Variants in EYA3 observed in about 807,000 individuals in gnomAD.
EYA3 encodes protein phosphatase EYA3.
Under a neutral mutation model 80.0 loss-of-function variants are expected in EYA3, and 39 were observed. That is an observed-to-expected ratio of 0.49 (90% CI 0.38 to 0.64). The LOEUF (loss-of-function observed/expected upper bound fraction) is 0.64. Among genes scored for constraint, EYA3 ranks in the 30% least tolerant of loss-of-function variants. The pLI is 0.00. For missense variants in EYA3, 523 were observed against 676.1 expected, an observed-to-expected ratio of 0.77 and a Z score of 2.51; for synonymous variants, 206 against 232.8, an observed-to-expected ratio of 0.88 and a Z score of 1.05.
chr1:28,021,949 A>G (rs1008798409), intron 7 of EYA3, among the ~76,000 whole-genome samples: 3 of 151,784 alleles, frequency 2.0e-5, no homozygotes, highest in African/African-American at 7.3e-5. Context: ...GGGTTCCTAA[A>G]ACTTACTCTC....
intron 10 of EYA3, among the ~76,000 whole-genome samples, chr1:28,007,860 A>G (rs534490386): frequency 6.6e-6 from 1 of 152,272 alleles, no homozygotes; most frequent in East Asian, 1.9e-4. Flanking sequence ...TCAAAATCCA[A>G]TAGTAGTTTT....
intron 8 of EYA3, among the ~76,000 whole-genome samples, chr1:28,015,516 G>A (rs1032676429): frequency 7.9e-5 from 12 of 152,032 alleles, no homozygotes; most frequent in African/African-American, 2.2e-4. Context: ...GTGACAGAGC[G>A]AGACTCTGTC....
chr1:28,007,267 A>C (rs1014809379), intron 10 of EYA3, among the ~76,000 whole-genome samples: 1 of 151,802 alleles, frequency 6.6e-6, no homozygotes, highest in African/African-American at 2.4e-5. Flanking sequence ...AGAAAACCTT[A>C]AATAACCCAG....
At chr1:28,082,884 C>A (rs773218061) in intron 1 of EYA3, among the ~76,000 whole-genome samples, 3 of 152,090 alleles carry the variant, frequency 2.0e-5, no homozygotes, top group Non-Finnish European at 4.4e-5. Context: ...AATTTGATCC[C>A]TTATTGCTTT....
At chr1:28,048,269 G>A in intron 3 of EYA3, 114 bp downstream of exon 3, 1 of 599,624 alleles carries the variant, frequency 1.7e-6, no homozygotes, top group Non-Finnish European at 2.8e-6. Context: ...AAATGTAACA[G>A]CTGATGGTAA....
intron 7 of EYA3, among the ~76,000 whole-genome samples, chr1:28,017,892 T>A (rs1303322871): frequency 6.6e-6 from 1 of 152,174 alleles, no homozygotes; most frequent in Non-Finnish European, 1.5e-5. Context: ...ATATGATACT[T>A]GGGCTGTCTT....
At chr1:28,073,129 T>A (rs10127594) in intron 1 of EYA3, among the ~76,000 whole-genome samples, 184 of 27,052 alleles carry the variant, frequency 6.8e-3, no homozygotes, top group Non-Finnish European at 9.2e-3. Flanking sequence ...ATATATATAT[T>A]TTTTTTTTTT....
intron 10 of EYA3, among the ~76,000 whole-genome samples, chr1:28,007,479 C>A (rs979841966): frequency 6.6e-6 from 1 of 151,680 alleles, no homozygotes; most frequent in Non-Finnish European, 1.5e-5. Flanking sequence ...GGGTTACAGG[C>A]GCCTGCCACC....
chr1:28,053,786 C>T (rs951366121), intron 2 of EYA3, among the ~76,000 whole-genome samples: 10 of 152,120 alleles, frequency 6.6e-5, no homozygotes, highest in Non-Finnish European at 1.2e-4. Flanking sequence ...CCATAGACAG[C>T]AAGAACAAAG....
chr1:27,980,036 C>G (rs2148704833), intron 16 of EYA3, among the ~76,000 whole-genome samples: 1 of 152,276 alleles, frequency 6.6e-6, no homozygotes, highest in East Asian at 1.9e-4. Context: ...TGGCCACTTA[C>G]AATACAAGGC....
At chr1:27,995,751 ATATT>A (rs1162537526) in intron 13 of EYA3, among the ~76,000 whole-genome samples, 1 of 152,104 alleles carries the variant, frequency 6.6e-6, no homozygotes, top group Non-Finnish European at 1.5e-5. Context: ...AATTGAGTAA[ATATT>A]AATAAAATGA....
chr1:28,029,730 G>A (rs936203790), intron 6 of EYA3, among the ~76,000 whole-genome samples: 6 of 151,818 alleles, frequency 4.0e-5, no homozygotes, highest in Admixed American at 1.3e-4. Flanking sequence ...CTAGTAGCTG[G>A]GATTACAGGT....
At chr1:28,055,995 C>CT (rs34697907) in intron 2 of EYA3, among the ~76,000 whole-genome samples, 1,762 of 145,266 alleles carry the variant, frequency 0.012, 11 homozygotes, top group Non-Finnish European at 0.016. Flanking sequence ...CTGTGAAAAG[C>CT]TTTTTTTTTT....
intron 1 of EYA3, among the ~76,000 whole-genome samples, chr1:28,080,966 G>A (rs1300723736): frequency 6.6e-6 from 1 of 151,874 alleles, no homozygotes; most frequent in Non-Finnish European, 1.5e-5. Flanking sequence ...ATGTTGGCTA[G>A]GCTGGTCTTG....
chr1:28,024,629 C>A (rs1642664351), intron 7 of EYA3, among the ~76,000 whole-genome samples: 2 of 152,170 alleles, frequency 1.3e-5, no homozygotes, highest in South Asian at 4.2e-4. Context: ...TGCACTCCAG[C>A]CTGGGCGACA....
rs567550189 is a variant in EYA3, at chr1:28,003,627, C to T, written c.993+709G>A. Among the ~76,000 whole-genome samples the T allele has an allele frequency of 2.7e-4, 41 of 152,262 alleles. No individual in the cohort carries two copies. In the South Asian group the frequency reaches 4.8e-3, roughly 18 times the overall value. On this transcript the variant is annotated intron_variant, in intron 11 of 17. Transcript: ENST00000373871. The stretch of plus-strand genomic sequence containing the variant: ...CTCGCTAAGTTGCCCAAGCTGGATT[C>T]GAACTCCTAGGCTCAAGCAATCTTC...
At chr1:28,061,730 G>GT (rs1336969572) in intron 1 of EYA3, among the ~76,000 whole-genome samples, 5 of 152,124 alleles carry the variant, frequency 3.3e-5, no homozygotes, top group Admixed American at 2.6e-4. Context: ...CTCCTGAATA[G>GT]TTGGGACTAC....
chr1:28,019,848 G>C (rs1571817986), intron 7 of EYA3, among the ~76,000 whole-genome samples: 1 of 152,020 alleles, frequency 6.6e-6, no homozygotes, highest in Non-Finnish European at 1.5e-5. Context: ...TTACAGACAT[G>C]CACCACCAAG....
chr1:28,026,197 G>A (rs1400811149), intron 7 of EYA3, among the ~76,000 whole-genome samples: 1 of 152,192 alleles, frequency 6.6e-6, no homozygotes, highest in Non-Finnish European at 1.5e-5. Context: ...TTACATTTTG[G>A]TAGAGCATTA....
Sources: allele counts gnomAD v4.1 joint callset (sites outside exome capture counted in the v4.1 genomes callset), GRCh38; gene constraint gnomAD v4.1.1; transcripts MANE v1.5; gene names NCBI Gene and HGNC (gene_info 2026-07-23, HGNC 2026-07-21).